AMPD3: variants seen among roughly 807,000 people sequenced by gnomAD.
AMPD3 encodes the protein AMP deaminase 3.
In AMPD3, 57 loss-of-function variants were observed where a neutral mutation model predicts 82.3. The ratio of observed to expected loss-of-function variants is 0.69; its 90% CI spans 0.56 to 0.86. The LOEUF is 0.86. Among genes scored for constraint, AMPD3 ranks in the 40% least tolerant of loss-of-function variants. The probability of loss-of-function intolerance (pLI) is 0.00; values close to 1 mark genes in which losing one functional copy is unlikely to be tolerated. For missense variants in AMPD3, 870 were observed against 1,003.8 expected, an observed-to-expected ratio of 0.87 and a Z score of 1.80; for synonymous variants, 381 against 394.7, an observed-to-expected ratio of 0.97 and a Z score of 0.41.
intron 11 of AMPD3, chr11:10,501,009 G>C: frequency 1.0e-6 from 1 of 985,424 alleles, no homozygotes; most frequent in Non-Finnish European, 1.2e-6. Flanking sequence ...AGGCAGTCCT[G>C]GGCTGAGCTT....
chr11:10,483,201 G>T (rs1353941701), intron 4 of AMPD3, among the ~76,000 whole-genome samples: 1 of 152,172 alleles, frequency 6.6e-6, no homozygotes, highest in East Asian at 1.9e-4. Context: ...GTCGGAGAGG[G>T]CTAGGTGGTT....
intron 13 of AMPD3, among the ~76,000 whole-genome samples, chr11:10,503,573 A>G (rs1849635288): frequency 6.6e-6 from 1 of 152,228 alleles, no homozygotes; most frequent in South Asian, 2.1e-4. Context: ...TATGTGGGTT[A>G]TATCTACTGA....
intron 13 of AMPD3, among the ~76,000 whole-genome samples, chr11:10,503,478 T>A (rs999276128): frequency 2.6e-5 from 4 of 151,988 alleles, no homozygotes; most frequent in Middle Eastern, 3.2e-3. Flanking sequence ...AGCACCAGAG[T>A]CTTTTAGGAC....
chr11:10,455,183 C>T, upstream of AMPD3: 2 of 985,440 alleles, frequency 2.0e-6, no homozygotes, highest in Non-Finnish European at 2.4e-6. Flanking sequence ...CAGAAATAGC[C>T]ATTTTGCTCA....
intron 3 of AMPD3, 152 bp from the exon 4 acceptor site, chr11:10,481,911 A>G: frequency 1.1e-6 from 1 of 888,600 alleles, no homozygotes; most frequent in Non-Finnish European, 1.9e-6. Context: ...GGTGCAATGA[A>G]CCACTCTTAT....
chr11:10,491,863 G>T (rs1182529818), intron 6 of AMPD3, among the ~76,000 whole-genome samples: 1 of 152,204 alleles, frequency 6.6e-6, no homozygotes, highest in Non-Finnish European at 1.5e-5. Flanking sequence ...GAGATATCAA[G>T]AAGGCAATAG....
intron 1 of AMPD3, among the ~76,000 whole-genome samples, chr11:10,457,212 C>T (rs1848122800): frequency 6.6e-6 from 1 of 151,754 alleles, no homozygotes; most frequent in Admixed American, 6.6e-5. Flanking sequence ...GAACTCCTGG[C>T]CTCAAGCGAT....
At chr11:10,479,934 CCTGA>C (rs1848852065) in intron 3 of AMPD3, 1 of 985,266 alleles carries the variant, frequency 1.0e-6, no homozygotes, top group South Asian at 4.7e-5. Flanking sequence ...AGATCAGCAT[CCTGA>C]CCATGAGTCT....
chr11:10,482,281 C>A, intron 4 of AMPD3, 56 bp downstream of exon 4: 2 of 1,588,314 alleles, frequency 1.3e-6, no homozygotes, highest in South Asian at 2.2e-5. Flanking sequence ...GAGAGCTAGT[C>A]AGGGCTTTTT....
Position 10,495,574 on chromosome 11 carries a change from T to A in AMPD3, c.1271T>A (p.Val424Asp). ...CCCAAGCTCTTCTTGTGCCAGGAGG[T>A]TGCCCGGGAGCTGGAGGAGAGCAAG... ...GEYFARMVKEVARELEESKYQ... is the reference protein window; with the variant it reads ...GEYFARMVKEDARELEESKYQ... Residue 424 changes from valine to aspartate, a missense_variant, in exon 9 of 15, where the codon GTT (valine) becomes GAT (aspartate). Val to Asp is a radical substitution (Grantham distance 152). Transcript: ENST00000396553. The A allele has an allele frequency of 6.2e-7, 1 of 1,612,662 alleles. No individual in the cohort carries two copies. The highest frequency in any genetic ancestry group is 8.5e-7 in the Non-Finnish European group (1 of 1,179,996).
intron 6 of AMPD3, among the ~76,000 whole-genome samples, chr11:10,489,793 G>A (rs1849188885): frequency 6.6e-6 from 1 of 151,944 alleles, no homozygotes; most frequent in African/African-American, 2.4e-5. Flanking sequence ...TGATTCTCCT[G>A]CCTCAGCCTC....
At chr11:10,494,393 G>A (rs904380606) in intron 7 of AMPD3, 1 of 242,302 alleles carries the variant, frequency 4.1e-6, no homozygotes, top group Non-Finnish European at 6.6e-6. Flanking sequence ...AAAAAGTTCT[G>A]GAAATGGTTA....
intron 2 of AMPD3, among the ~76,000 whole-genome samples, chr11:10,465,473 C>T (rs1239911013): frequency 2.0e-5 from 3 of 152,200 alleles, no homozygotes; most frequent in East Asian, 1.9e-4. Context: ...CCAGTGAGAT[C>T]GATGCAGAAG....
upstream of AMPD3, chr11:10,450,974 C>A (rs555347075): frequency 8.4e-5 from 130 of 1,546,666 alleles, 1 homozygote; most frequent in East Asian, 3.1e-3. Flanking sequence ...CTCTGCCCAG[C>A]GCGTCCCCTT....
chr11:10,492,193 C>T (rs1371332306), intron 6 of AMPD3, among the ~76,000 whole-genome samples: 1 of 152,174 alleles, frequency 6.6e-6, no homozygotes, highest in African/African-American at 2.4e-5. Context: ...TGCAAAGGTG[C>T]CTTCTGCAAA....
In AMPD3 at chr11:10,504,650, C is replaced by G; in HGVS notation, c.2118C>G (p.Leu706=). 2 of 1,614,122 alleles carry G rather than the reference C, an allele frequency of 1.2e-6. No individual in the cohort carries two copies. Among genetic ancestry groups the G allele is most frequent in the African/African-American group, 2.7e-5 (2 of 75,062 alleles). Residue 706 remains leucine, a synonymous_variant, in exon 14 of 15, where the codon CTC becomes CTG. Coordinates refer to ENST00000396553, the MANE Select transcript of AMPD3 (RefSeq NM_001025389.2). ...GGAACAGCGTGCTGCAGAGCGGCCT[C>G]TCGCATCAGGTATGGAGTGTGACGG... ...IARNSVLQSG[L]SHQEKQKFLG...
intron 3 of AMPD3, among the ~76,000 whole-genome samples, chr11:10,478,950 G>A (rs2133878581): frequency 6.6e-6 from 1 of 152,170 alleles, no homozygotes; most frequent in African/African-American, 2.4e-5. Context: ...GGGTCCCGGG[G>A]TGCAGGCTGG....
intron 2 of AMPD3, among the ~76,000 whole-genome samples, chr11:10,465,665 G>C (rs930691708): frequency 6.6e-6 from 1 of 152,156 alleles, no homozygotes; most frequent in African/African-American, 2.4e-5. Flanking sequence ...TGAGCCTGAG[G>C]AACTGTGCAC....
At chr11:10,471,940 T>A (rs1334116346) in intron 2 of AMPD3, among the ~76,000 whole-genome samples, 15 of 152,194 alleles carry the variant, frequency 9.9e-5, no homozygotes, top group Non-Finnish European at 8.8e-5. Flanking sequence ...AGCAATCCCA[T>A]TACTGGGTAT....
Sources: allele counts gnomAD v4.1 joint callset (sites outside exome capture counted in the v4.1 genomes callset), GRCh38; gene constraint gnomAD v4.1.1; transcripts MANE v1.5; gene names NCBI Gene and HGNC (gene_info 2026-07-23, HGNC 2026-07-21).